The following YAE1 variants were observed in gnomAD, a reference collection of about 807,000 sequenced individuals.
The protein encoded by YAE1 is YAE1 maturation factor of ABCE1.
In YAE1, 22 loss-of-function variants were observed where a neutral mutation model predicts 23.0. The ratio of observed to expected loss-of-function variants is 0.96; its 90% confidence interval spans 0.68 to 1.37. The LOEUF (loss-of-function observed/expected upper bound fraction) is 1.37. Among genes scored for constraint, YAE1 ranks in the 40% most tolerant of loss-of-function variants. YAE1 has a pLI of 0.00. For missense variants in YAE1, 260 were observed against 262.1 expected (o/e 0.99, Z 0.06); for synonymous variants, 101 against 97.0 (o/e 1.04, Z -0.24).
At chr7:39,610,119 A>G (rs968641719) in exon 3 of YAE1, 49 of 977,062 alleles carry the variant, frequency 5.0e-5, no homozygotes, top group Non-Finnish European at 6.5e-5. Context: ...GCAAGCTAGA[A>G]CAATATGTAC....
At chr7:39,599,842 G>A (rs1791030847) in intron 2 of YAE1, among the ~76,000 whole-genome samples, 2 of 151,988 alleles carry the variant, frequency 1.3e-5, no homozygotes, top group Non-Finnish European at 2.9e-5. Flanking sequence ...ACCCACCTCG[G>A]CCTCCCAAAG....
At chr7:39,567,606 T>C (rs1790493274) in intron 1 of YAE1, among the ~76,000 whole-genome samples, 1 of 152,148 alleles carries the variant, frequency 6.6e-6, no homozygotes, top group Non-Finnish European at 1.5e-5. Flanking sequence ...CTGGGTTTTG[T>C]TTTTTGTTTT....
In YAE1 at chr7:39,594,666, C is replaced by T. The variant is rs532445479; in HGVS notation, c.252-14951C>T. Among the ~76,000 whole-genome samples the T allele has an allele frequency of 1.5e-3, 234 of 151,788 alleles. 4 individuals are homozygous for T. The highest frequency in any genetic ancestry group is 5.3e-3 in the African/African-American group (221 of 41,354). On this transcript the variant is annotated intron_variant, in intron 2 of 2. Coordinates refer to the YAE1 transcript ENST00000432096. ...CCCAGGCTGGAGTACAATGGCGTGA[C>T]CTTGGTTCACTGAAACCTCCTGGGT...
At chr7:39,605,933 CT>C (rs565791980) in intron 2 of YAE1, among the ~76,000 whole-genome samples, 2,487 of 151,664 alleles carry the variant, frequency 0.016, 36 homozygotes, top group Middle Eastern at 0.034. Context: ...CATCAGAGTT[CT>C]TTTTTTTGTT....
chr7:39,610,028 C>A, exon 3 of YAE1: 1 of 1,494,340 alleles, frequency 6.7e-7, no homozygotes, highest in South Asian at 1.3e-5. Flanking sequence ...TTAGGAAAGC[C>A]AGCCTCAGTC....
At chr7:39,573,684 A>T (rs1790609670), downstream of YAE1, among the ~76,000 whole-genome samples, 1 of 152,204 alleles carries the variant, frequency 6.6e-6, no homozygotes, top group Non-Finnish European at 1.5e-5. Flanking sequence ...GCTGAAAGAC[A>T]GGCATATTGA....
At chr7:39,595,268 C>G (rs996606215) in intron 2 of YAE1, among the ~76,000 whole-genome samples, 3 of 152,006 alleles carry the variant, frequency 2.0e-5, no homozygotes, top group African/African-American at 4.8e-5. Flanking sequence ...GGGAACATTT[C>G]CAAGCATCAC....
At chr7:39,577,946 G>C (rs1790680736) in intron 2 of YAE1, among the ~76,000 whole-genome samples, 1 of 151,948 alleles carries the variant, frequency 6.6e-6, no homozygotes, top group African/African-American at 2.4e-5. Context: ...CTAGCTCGAG[G>C]TTTGTAAACA....
chr7:39,584,516 T>C (rs1790785695), intron 2 of YAE1, among the ~76,000 whole-genome samples: 1 of 152,206 alleles, frequency 6.6e-6, no homozygotes, highest in Non-Finnish European at 1.5e-5. Flanking sequence ...TTTTTTCCCT[T>C]ATCCTAATTT....
intron 2 of YAE1, among the ~76,000 whole-genome samples, chr7:39,590,003 T>C (rs1790878842): frequency 6.6e-6 from 1 of 152,188 alleles, no homozygotes; most frequent in African/African-American, 2.4e-5. Context: ...TAATAAAATA[T>C]GTACGTGTTA....
At chr7:39,595,729 A>T (rs1790963607) in intron 2 of YAE1, among the ~76,000 whole-genome samples, 1 of 152,194 alleles carries the variant, frequency 6.6e-6, no homozygotes, top group Non-Finnish European at 1.5e-5. Context: ...CAATGACTGG[A>T]GATGCCCTTG....
chr7:39,588,615 G>C (rs984375656), intron 2 of YAE1, among the ~76,000 whole-genome samples: 17 of 151,970 alleles, frequency 1.1e-4, no homozygotes, highest in Middle Eastern at 6.8e-3. Context: ...TGGAAGTTCC[G>C]TCTCAAAGGA....
chr7:39,569,900 A>G lies in YAE1; in HGVS notation c.130-606A>G, dbSNP rs1790537483. 6.1e-6 allele frequency: 7 copies of G among 1,144,694 alleles called. No homozygotes were observed. In the South Asian group the frequency reaches 7.3e-5, roughly 12 times the overall value. The allele number at this position is 1,144,694 out of a possible 1,614,324, so 70.9% of individuals were successfully genotyped here. A position where few individuals can be genotyped will look rare whatever the true frequency, so the allele number is the denominator to read the frequency against. On this transcript the variant is annotated intron_variant, in intron 1 of 2. Coordinates refer to ENST00000223273, the MANE Select transcript of YAE1 (RefSeq NM_020192.5). Reference sequence around the variant, plus strand: ...CATCTTTACAATGATAAATAGTAGGAAGAACAGTTATTGTAAACTGTCCAG... The same window carrying G: ...CATCTTTACAATGATAAATAGTAGGGAGAACAGTTATTGTAAACTGTCCAG...
At chr7:39,567,814 G>A (rs1790497524) in intron 1 of YAE1, among the ~76,000 whole-genome samples, 1 of 152,148 alleles carries the variant, frequency 6.6e-6, no homozygotes, top group African/African-American at 2.4e-5. Context: ...AGCCTAGAAA[G>A]AAGGGGACAT....
intron 2 of YAE1, among the ~76,000 whole-genome samples, chr7:39,588,700 C>T (rs1790858526): frequency 6.6e-6 from 1 of 152,116 alleles, no homozygotes; most frequent in Admixed American, 6.5e-5. Flanking sequence ...CTTACTTGGT[C>T]TTATTAACAG....
intron 2 of YAE1, among the ~76,000 whole-genome samples, chr7:39,606,304 A>G (rs1395314860): frequency 1.3e-5 from 2 of 152,226 alleles, no homozygotes; most frequent in Non-Finnish European, 2.9e-5. Context: ...AAAAATACAG[A>G]GACATTTTGG....
intron 2 of YAE1, among the ~76,000 whole-genome samples, chr7:39,598,685 G>A (rs1388556127): frequency 6.6e-6 from 1 of 151,522 alleles, no homozygotes; most frequent in Admixed American, 6.6e-5. Context: ...GCTAAGGCAG[G>A]AGGATCGCTT....
chr7:39,595,795 G>A (rs538072926), intron 2 of YAE1, among the ~76,000 whole-genome samples: 17 of 152,258 alleles, frequency 1.1e-4, no homozygotes, highest in Admixed American at 2.6e-4. Context: ...AGCCTAGAAT[G>A]ATGAGTTTAA....
At chr7:39,572,923 G>T, downstream of YAE1, 1 of 1,136,264 alleles carries the variant, frequency 8.8e-7, no homozygotes, top group East Asian at 4.2e-5. Context: ...TTAAGATATG[G>T]TCAGAAATTT....
Sources: gnomAD v4.1 joint callset for allele counts (sites outside exome capture counted in the v4.1 genomes callset) on GRCh38, gnomAD v4.1.1 for gene constraint, MANE v1.5 for transcripts, NCBI Gene and HGNC (gene_info 2026-07-23, HGNC 2026-07-21) for gene names.